Variants in GAB2 observed in about 807,000 individuals in gnomAD.
The protein encoded by GAB2 is GRB2-associated-binding protein 2.
A neutral mutation model predicts 65.5 loss-of-function variants in GAB2; 26 were observed. The ratio of observed to expected loss-of-function variants is 0.40; its 90% confidence interval spans 0.29 to 0.55. The LOEUF is 0.55. GAB2 is among the 20% of genes least tolerant of loss of function. The pLI is 0.53. For synonymous variants in GAB2, 321 were observed against 329.6 expected, an observed-to-expected ratio of 0.97 and a Z score of 0.28; for missense variants, 884 against 875.8, an observed-to-expected ratio of 1.01 and a Z score of -0.12.
chr11:78,328,040 G>A (rs993102827), intron 1 of GAB2, among the ~76,000 whole-genome samples: 3 of 152,134 alleles, frequency 2.0e-5, no homozygotes, highest in East Asian at 1.9e-4. Context: ...TGGGAAAGTC[G>A]TGGTGGGCTG....
At chr11:78,234,171 C>G (rs1354575918) in intron 3 of GAB2, among the ~76,000 whole-genome samples, 1 of 152,150 alleles carries the variant, frequency 6.6e-6, no homozygotes, top group Non-Finnish European at 1.5e-5. Flanking sequence ...GTCTTGACCT[C>G]CCCCAGGCTC....
chr11:78,386,431 A>C (rs932620576), intron 1 of GAB2, among the ~76,000 whole-genome samples: 1 of 152,260 alleles, frequency 6.6e-6, no homozygotes, highest in African/African-American at 2.4e-5. Context: ...GGAATGATGA[A>C]GGAGGCAGTC....
At chr11:78,289,289 C>A (rs992716615) in intron 1 of GAB2, among the ~76,000 whole-genome samples, 1 of 151,982 alleles carries the variant, frequency 6.6e-6, no homozygotes, top group East Asian at 1.9e-4. Flanking sequence ...GAAATGGTGC[C>A]AAAGCAATCA....
rs769165803 is a variant in GAB2 at position 78,385,260 on chromosome 11, A to G, written c.75+32386T>C. Among the ~76,000 whole-genome samples, 110 of 152,384 alleles carry G rather than the reference A, an allele frequency of 7.2e-4. 1 individual carries two copies. The highest frequency in any genetic ancestry group is 7.2e-4 in the Non-Finnish European group (49 of 68,034). On this transcript the variant is annotated intron_variant, in intron 1 of 9. Transcript: ENST00000361507. ...TTGTAAACAAGAGCTTCCAAAACTT[A>G]TGGATCTTCACGGGAAAGGCCACAC...
rs879851363 is a variant in GAB2 at position 78,215,452 on chromosome 11, A to T, written c.*3820T>A. The stretch of plus-strand genomic sequence containing the variant: ...CCACCGGATAAATATGTTACAATTT[A>T]AAAAAAAGAATACAACAGAATAAAT... On this transcript the variant is annotated 3_prime_UTR_variant, in exon 10 of 10. Coordinates refer to ENST00000361507, the MANE Select transcript of GAB2 (RefSeq NM_080491.3). 2.0e-5 allele frequency: 3 copies of T among 152,230 alleles called. No individual in the cohort carries two copies. Among genetic ancestry groups the T allele is most frequent in the African/African-American group, 4.8e-5 (2 of 41,384 alleles). 9.4% of individuals were successfully genotyped at this position (152,230 alleles called of 1,614,324 possible).
chr11:78,305,684 G>A (rs952869354), intron 1 of GAB2, among the ~76,000 whole-genome samples: 1 of 152,174 alleles, frequency 6.6e-6, no homozygotes, highest in Non-Finnish European at 1.5e-5. Flanking sequence ...GTGCCTGAGT[G>A]GAAAATGCAG....
intron 1 of GAB2, among the ~76,000 whole-genome samples, chr11:78,290,110 T>C (rs1227652296): frequency 6.6e-6 from 1 of 151,116 alleles, no homozygotes; most frequent in Non-Finnish European, 1.5e-5. Flanking sequence ...ACCAGAAAAA[T>C]AAAAAATAAG....
At chr11:78,298,776 T>TG (rs1565148859) in intron 1 of GAB2, among the ~76,000 whole-genome samples, 1 of 152,180 alleles carries the variant, frequency 6.6e-6, no homozygotes, top group African/African-American at 2.4e-5. Context: ...AGGGCAAAGC[T>TG]GGGGGAAGAG....
At chr11:78,330,271 C>T (rs1034538635) in intron 1 of GAB2, among the ~76,000 whole-genome samples, 4 of 152,170 alleles carry the variant, frequency 2.6e-5, no homozygotes, top group African/African-American at 4.8e-5. Context: ...TATTAAATTC[C>T]TTCCTGTTTA....
At chr11:78,364,855 A>G (rs977047526) in intron 1 of GAB2, among the ~76,000 whole-genome samples, 4 of 152,202 alleles carry the variant, frequency 2.6e-5, no homozygotes, top group African/African-American at 9.7e-5. Flanking sequence ...ATTTGGACAT[A>G]TGTAATGTTG....
chr11:78,221,696 T>C lies in GAB2; in HGVS notation c.1742A>G (p.Glu581Gly), dbSNP rs1477999543. Residue 581 changes from glutamate to glycine, a missense_variant, in exon 8 of 10, where the codon GAA becomes GGA. Glu to Gly is a moderately conservative substitution (Grantham distance 98, BLOSUM62 -2). Coordinates refer to ENST00000361507, the MANE Select transcript of GAB2 (RefSeq NM_080491.3). ...SITSTDSGDS[E>G]ENYVPMQNPV... is the part of the protein sequence containing the mutation. Reference sequence around the variant, plus strand: ...ACTCACCATAGGGACATAGTTCTCTTCGCTGTCTCCTGAGTCTGTGCTGGT... The same window carrying C: ...ACTCACCATAGGGACATAGTTCTCTCCGCTGTCTCCTGAGTCTGTGCTGGT... 1 of 1,612,494 alleles carries C rather than the reference T, an allele frequency of 6.2e-7. No individual in the cohort carries two copies. The highest frequency in any genetic ancestry group is 8.5e-7 in the Non-Finnish European group (1 of 1,178,692).
chr11:78,342,324 C>A (rs1856110140), intron 1 of GAB2, among the ~76,000 whole-genome samples: 2 of 152,178 alleles, frequency 1.3e-5, no homozygotes, highest in South Asian at 4.1e-4. Context: ...CCTTAAATGC[C>A]ACCTCCTCTA....
chr11:78,225,796 A>G (rs1864625073), intron 4 of GAB2, among the ~76,000 whole-genome samples: 2 of 152,220 alleles, frequency 1.3e-5, no homozygotes, highest in South Asian at 4.1e-4. Flanking sequence ...GGAGACAAGG[A>G]GGTTTTGTCC....
intron 1 of GAB2, among the ~76,000 whole-genome samples, chr11:78,407,698 A>AG (rs1857070369): frequency 4.8e-5 from 6 of 125,518 alleles, no homozygotes; most frequent in South Asian, 5.9e-4. Context: ...AGAAAGAAAG[A>AG]AAGAGATGGC....
At chr11:78,347,529 T>G (rs560282541) in intron 1 of GAB2, among the ~76,000 whole-genome samples, 4 of 152,318 alleles carry the variant, frequency 2.6e-5, no homozygotes, top group Non-Finnish European at 5.9e-5. Context: ...ATAATTATCT[T>G]AGAACATTTA....
intron 1 of GAB2, among the ~76,000 whole-genome samples, chr11:78,354,178 T>C (rs971555687): frequency 3.9e-5 from 6 of 152,214 alleles, no homozygotes; most frequent in African/African-American, 1.4e-4. Flanking sequence ...GGAACACTTT[T>C]GGAAGTGTCT....
In GAB2 at chr11:78,216,289, CT is replaced by C. The variant is rs1864143538; in HGVS notation, c.*2982del. ...CCTTGGAGAGCCCCAGGCAGGGGGC[CT>C]GTGTGAAGCAGTGCTGAGTGGGAAG... On this transcript the variant is annotated 3_prime_UTR_variant, in exon 10 of 10. Transcript: ENST00000361507. 1 of 152,208 alleles carries C rather than the reference CT, an allele frequency of 6.6e-6. No homozygotes were observed. Among genetic ancestry groups the C allele is most frequent in the East Asian group, 1.9e-4 (1 of 5,192 alleles). 9.4% of individuals were successfully genotyped at this position (152,208 alleles called of 1,614,324 possible). A position where few individuals can be genotyped will look rare whatever the true frequency, so the allele number is the denominator to read the frequency against.
At chr11:78,355,759 C>T (rs763286524) in intron 1 of GAB2, among the ~76,000 whole-genome samples, 4 of 139,052 alleles carry the variant, frequency 2.9e-5, no homozygotes, top group African/African-American at 5.2e-5. Context: ...AGAGAAAGTA[C>T]ACAGAAGTAC....
intron 1 of GAB2, among the ~76,000 whole-genome samples, chr11:78,346,235 C>T (rs1856176897): frequency 6.6e-6 from 1 of 152,162 alleles, no homozygotes; most frequent in Non-Finnish European, 1.5e-5. Context: ...AGGAATAAAT[C>T]TGTTAAGGCA....
Sources: allele counts gnomAD v4.1 joint callset (sites outside exome capture counted in the v4.1 genomes callset), GRCh38; gene constraint gnomAD v4.1.1; transcripts MANE v1.5; gene names NCBI Gene and HGNC (gene_info 2026-07-23, HGNC 2026-07-21).